The following BCAT1 variants were observed in gnomAD, a reference collection of about 807,000 sequenced individuals.
BCAT1 encodes branched-chain-amino-acid aminotransferase, cytosolic.
Under a neutral mutation model 52.4 loss-of-function variants are expected in BCAT1, and 48 were observed. That is an observed-to-expected ratio of 0.92 (90% CI 0.73 to 1.16). The LOEUF (loss-of-function observed/expected upper bound fraction) is 1.16. BCAT1 is among the 50% of genes most tolerant of loss of function. The probability of loss-of-function intolerance (pLI) is 0.00; values close to 1 mark genes in which losing one functional copy is unlikely to be tolerated. For missense variants in BCAT1, 451 were observed against 457.1 expected (o/e 0.99, Z 0.12); for synonymous variants, 167 against 161.3 (o/e 1.04, Z -0.27).
intron 5 of BCAT1, among the ~76,000 whole-genome samples, chr12:24,873,288 G>C (rs1400377523): frequency 2.0e-5 from 3 of 152,100 alleles, no homozygotes; most frequent in Non-Finnish European, 4.4e-5. Context: ...CAGTAGTTTA[G>C]AGCCCTCCAG....
chr12:24,824,918 C>T (rs12372519), intron 10 of BCAT1, among the ~76,000 whole-genome samples: 21,688 of 152,012 alleles, frequency 0.14, 1,936 homozygotes, highest in Middle Eastern at 0.24. Context: ...TCCCACTCCC[C>T]TTCTCGGCCT....
intron 10 of BCAT1, among the ~76,000 whole-genome samples, chr12:24,829,120 A>G (rs2139365136): frequency 6.6e-6 from 1 of 152,202 alleles, no homozygotes; most frequent in South Asian, 2.1e-4. Context: ...ACAGTGGTTC[A>G]TGCCTGTAAT....
chr12:24,863,253 T>G (rs1373944692), intron 5 of BCAT1, among the ~76,000 whole-genome samples: 1 of 152,236 alleles, frequency 6.6e-6, no homozygotes, highest in Non-Finnish European at 1.5e-5. Context: ...CTCACAGGGT[T>G]AATATAAGGA....
chr12:24,894,526 T>C, intron 2 of BCAT1, 51 bp from the exon 3 acceptor site: 1 of 1,444,106 alleles, frequency 6.9e-7, no homozygotes, highest in Non-Finnish European at 9.5e-7. Context: ...GAGCATTCGC[T>C]GGCTAGATTA....
chr12:24,849,011 T>A (rs1941423334), intron 6 of BCAT1, among the ~76,000 whole-genome samples: 1 of 152,214 alleles, frequency 6.6e-6, no homozygotes, highest in African/African-American at 2.4e-5. Flanking sequence ...TGGACCTAAA[T>A]GTCCTACCAG....
chr12:24,949,183 C>T (rs1943985213), upstream of BCAT1: 3 of 535,846 alleles, frequency 5.6e-6, no homozygotes, highest in South Asian at 5.2e-5. Context: ...CCCCAGGCCG[C>T]CCCCAGATGG....
chr12:24,907,035 G>T (rs921266642), intron 1 of BCAT1, among the ~76,000 whole-genome samples: 1 of 152,182 alleles, frequency 6.6e-6, no homozygotes, highest in Non-Finnish European at 1.5e-5. Flanking sequence ...TGATTGGCAA[G>T]CTCCCAGCCC....
chr12:24,937,115 C>T (rs1213477911), intron 1 of BCAT1, among the ~76,000 whole-genome samples: 1 of 152,116 alleles, frequency 6.6e-6, no homozygotes, highest in Admixed American at 6.5e-5. Context: ...GATATCAATC[C>T]CAAAGTCATA....
intron 1 of BCAT1, among the ~76,000 whole-genome samples, chr12:24,929,605 T>A (rs1565503002): frequency 1.3e-5 from 2 of 152,308 alleles, no homozygotes; most frequent in East Asian, 3.9e-4. Flanking sequence ...GTAGACCTTG[T>A]CACAGGCTAT....
Position 24,894,274 on chromosome 12 carries a change from C to T in BCAT1, c.279+1G>A, listed in dbSNP as rs200163330. Reference sequence around the variant, plus strand: ...ACTCTCTTTAATTCCCATGTACTTACTTCCACTGCATAGTGCAAAGCTGAT... The same window carrying T: ...ACTCTCTTTAATTCCCATGTACTTATTTCCACTGCATAGTGCAAAGCTGAT... On this transcript the variant is annotated splice_donor_variant, in intron 3 of 10. Coordinates refer to ENST00000261192, the MANE Select transcript of BCAT1 (RefSeq NM_005504.7). LOFTEE classifies it high-confidence loss of function. 47 of 1,612,820 alleles carry T rather than the reference C, an allele frequency of 2.9e-5. No homozygotes were observed. The highest frequency in any genetic ancestry group is 5.0e-5 in the Admixed American group (3 of 59,990).
Position 24,894,349 on chromosome 12 carries a change from C to T in BCAT1, c.205G>A (p.Glu69Lys), listed in dbSNP as rs1354560266. The change falls in exon 3 of 11, where the codon GAG (glutamate) becomes AAG (lysine). Residue 69 changes from glutamate (E) to lysine (K), a missense_variant. Glu to Lys is a moderately conservative substitution (Grantham distance 56). Coordinates refer to ENST00000261192, the MANE Select transcript of BCAT1 (RefSeq NM_005504.7). ...TGAAGAGGCTTGATATGAGGTTTCTCCCATCCAAACTCTGAGGACCACTCC... is the reference window on the plus strand; with the variant it reads ...TGAAGAGGCTTGATATGAGGTTTCTTCCATCCAAACTCTGAGGACCACTCC... Reference protein sequence around the residue: ...TVEWSSEFGWEKPHIKPLQNL... With the variant: ...TVEWSSEFGWKKPHIKPLQNL... The T allele has an allele frequency of 1.2e-6, 2 of 1,613,916 alleles. No individual in the cohort carries two copies. Among genetic ancestry groups the T allele is most frequent in the Admixed American group, 1.7e-5 (1 of 59,994 alleles).
chr12:24,920,194 G>A (rs1381573364), intron 1 of BCAT1, among the ~76,000 whole-genome samples: 3 of 152,146 alleles, frequency 2.0e-5, no homozygotes, highest in South Asian at 4.1e-4. Flanking sequence ...CTCAATCTGT[G>A]TCAGTTATAA....
chr12:24,948,839 TC>T, intron 1 of BCAT1, 87 bp downstream of exon 1: 1 of 1,455,298 alleles, frequency 6.9e-7, no homozygotes, highest in Non-Finnish European at 9.4e-7. Context: ...CTTCCTCCCC[TC>T]CCTGCCAACT....
At chr12:24,909,958 C>G (rs1327063768) in intron 1 of BCAT1, among the ~76,000 whole-genome samples, 1 of 152,120 alleles carries the variant, frequency 6.6e-6, no homozygotes, top group African/African-American at 2.4e-5. Context: ...AACATCCAGC[C>G]CAGTCAAGCC....
At chr12:24,934,476 C>G (rs1943723996) in intron 1 of BCAT1, among the ~76,000 whole-genome samples, 1 of 152,182 alleles carries the variant, frequency 6.6e-6, no homozygotes, top group African/African-American at 2.4e-5. Context: ...AATGAGTACT[C>G]CTCAAATATT....
chr12:24,925,076 A>G (rs1943558013), intron 1 of BCAT1, among the ~76,000 whole-genome samples: 1 of 152,214 alleles, frequency 6.6e-6, no homozygotes, highest in South Asian at 2.1e-4. Flanking sequence ...TTGCTTAGAC[A>G]ACACAAGTTC....
Position 24,902,146 on chromosome 12 carries a change from T to A in BCAT1, c.7-261A>T, listed in dbSNP as rs1943123840. 6.9e-6 allele frequency: 10 copies of A among 1,444,540 alleles called. No individual in the cohort carries two copies. The South Asian group carries it at 1.3e-4, about 19-fold the overall frequency. The allele number at this position is 1,444,540 out of a possible 1,614,324, so 89.5% of individuals were successfully genotyped here. On this transcript the variant is annotated intron_variant, in intron 1 of 10. Coordinates refer to ENST00000261192, the MANE Select transcript of BCAT1 (RefSeq NM_005504.7). ...CCGGCTCAGGGAAGACTGGTTAAAT[T>A]CCAGGTCAGCCCTACAGAGCCAGGG... is the stretch of plus-strand genomic sequence containing the variant.
At chr12:24,844,894 C>CAAAGAAAAA (rs1941293965) in intron 6 of BCAT1, among the ~76,000 whole-genome samples, 1 of 36,002 alleles carries the variant, frequency 2.8e-5, no homozygotes, top group Non-Finnish European at 5.1e-5. Flanking sequence ...GAGACTGTCT[C>CAAAGAAAAA]AAAAAAAAAA....
At chr12:24,914,053 C>T (rs931841822) in intron 1 of BCAT1, among the ~76,000 whole-genome samples, 3 of 151,366 alleles carry the variant, frequency 2.0e-5, no homozygotes, top group Non-Finnish European at 2.9e-5. Flanking sequence ...CCCAACATTC[C>T]CCAGTTGAGA....
Sources: allele counts gnomAD v4.1 joint callset (sites outside exome capture counted in the v4.1 genomes callset), GRCh38; gene constraint gnomAD v4.1.1; transcripts MANE v1.5; gene names NCBI Gene and HGNC (gene_info 2026-07-23, HGNC 2026-07-21).